Variants in PTPRG observed in about 807,000 individuals in gnomAD.
The protein encoded by PTPRG is receptor-type tyrosine-protein phosphatase gamma.
A neutral mutation model predicts 165.3 loss-of-function variants in PTPRG; 102 were observed. The observed-to-expected ratio is 0.62, with a 90% CI of 0.53 to 0.73. PTPRG has a LOEUF of 0.73. Among genes scored for constraint, PTPRG ranks in the 30% least tolerant of loss-of-function variants. The probability of loss-of-function intolerance (pLI) is 0.00; values close to 1 mark genes in which losing one functional copy is unlikely to be tolerated. For synonymous variants in PTPRG, 675 were observed against 669.5 expected (o/e 1.01, Z -0.13); for missense variants, 1,866 against 1,861.4 (o/e 1.00, Z -0.05).
At chr3:62,091,303 T>C (rs1387262588) in intron 5 of PTPRG, among the ~76,000 whole-genome samples, 1 of 152,222 alleles carries the variant, frequency 6.6e-6, no homozygotes, top group African/African-American at 2.4e-5. Flanking sequence ...ACTCAGTAAT[T>C]CAGGAGGAGG....
chr3:61,622,257 G>C (rs1701480392), intron 1 of PTPRG, among the ~76,000 whole-genome samples: 1 of 151,982 alleles, frequency 6.6e-6, no homozygotes, highest in Admixed American at 6.6e-5. Flanking sequence ...ACATTTTTGT[G>C]TTTAAGTTCT....
chr3:61,865,887 G>A (rs1034973254), intron 2 of PTPRG, among the ~76,000 whole-genome samples: 2 of 152,194 alleles, frequency 1.3e-5, no homozygotes, highest in Non-Finnish European at 2.9e-5. Context: ...AGATTCAGCA[G>A]TTGCTCAAAA....
chr3:61,843,316 G>T (rs892291537), intron 2 of PTPRG, among the ~76,000 whole-genome samples: 13 of 152,144 alleles, frequency 8.5e-5, no homozygotes, highest in Non-Finnish European at 1.5e-4. Context: ...TTAAAACAGT[G>T]TGGTACTGCC....
At chr3:61,627,868 A>G (rs1701655388) in intron 1 of PTPRG, among the ~76,000 whole-genome samples, 1 of 152,216 alleles carries the variant, frequency 6.6e-6, no homozygotes, top group Non-Finnish European at 1.5e-5. Flanking sequence ...AGGTTTGTTA[A>G]GGTCAAATGA....
At chr3:62,058,775 C>A (rs1700713319) in intron 4 of PTPRG, among the ~76,000 whole-genome samples, 1 of 152,156 alleles carries the variant, frequency 6.6e-6, no homozygotes, top group African/African-American at 2.4e-5. Flanking sequence ...CTGACCAAGG[C>A]AGTTGTTGAG....
intron 8 of PTPRG, among the ~76,000 whole-genome samples, chr3:62,177,141 G>C (rs962460586): frequency 6.6e-6 from 1 of 151,866 alleles, no homozygotes; most frequent in Admixed American, 6.6e-5. Context: ...AACATTAGCT[G>C]GGCTTGGTAG....
intron 2 of PTPRG, chr3:61,770,042 G>A (rs1295480043): frequency 6.6e-6 from 1 of 152,148 alleles, no homozygotes; most frequent in Non-Finnish European, 1.5e-5. Flanking sequence ...AGCTTATTTA[G>A]CCAATTCCAG....
intron 2 of PTPRG, among the ~76,000 whole-genome samples, chr3:61,926,374 CCT>C (rs2039210843): frequency 1.3e-5 from 2 of 151,766 alleles, no homozygotes; most frequent in South Asian, 4.2e-4. Context: ...GTGTGTAGCA[CCT>C]CCCCCTCCTC....
chr3:61,814,587 CTG>C (rs996363913), intron 2 of PTPRG, among the ~76,000 whole-genome samples: 2 of 151,900 alleles, frequency 1.3e-5, no homozygotes, highest in African/African-American at 2.4e-5. Flanking sequence ...CCTCTGGTAA[CTG>C]TGAGTTACAT....
At chr3:61,822,962 A>T (rs1442899716) in intron 2 of PTPRG, among the ~76,000 whole-genome samples, 1 of 152,192 alleles carries the variant, frequency 6.6e-6, no homozygotes, top group African/African-American at 2.4e-5. Flanking sequence ...TCTGGGAAAG[A>T]GAGGAACAAG....
At chr3:61,647,110 T>A (rs939222007) in intron 1 of PTPRG, among the ~76,000 whole-genome samples, 1 of 152,196 alleles carries the variant, frequency 6.6e-6, no homozygotes, top group Non-Finnish European at 1.5e-5. Context: ...TTTTTATTTC[T>A]CTGAGATAAA....
intron 2 of PTPRG, among the ~76,000 whole-genome samples, chr3:61,983,427 A>G (rs1311441586): frequency 6.6e-6 from 1 of 152,180 alleles, no homozygotes; most frequent in Non-Finnish European, 1.5e-5. Context: ...TATTTGTAAT[A>G]TAAGTTTATT....
Position 61,901,531 on chromosome 3 carries a change from C to A in PTPRG, c.191-88094C>A, listed in dbSNP as rs2038498468. Among the ~76,000 whole-genome samples, 6 of 152,164 alleles carry A rather than the reference C, an allele frequency of 3.9e-5. No homozygotes were observed. The South Asian group carries it at 1.2e-3, about 32-fold the overall frequency. ...TTCAGTTCCCTTGGAAACTATAAATCCAAAGGTGAATTTGCACGCTATGTG... is the reference window on the plus strand; with the variant it reads ...TTCAGTTCCCTTGGAAACTATAAATACAAAGGTGAATTTGCACGCTATGTG... On this transcript the variant is annotated intron_variant, in intron 2 of 29. Transcript: ENST00000474889.
intron 3 of PTPRG, among the ~76,000 whole-genome samples, chr3:61,995,076 C>CTTT (rs1487681504): frequency 8.8e-5 from 10 of 113,596 alleles, no homozygotes; most frequent in African/African-American, 3.3e-4. Context: ...TTTTTCTTTT[C>CTTT]TTTCTTTCTT....
At chr3:61,960,805 A>ACCACTGT (rs2040134590) in intron 2 of PTPRG, among the ~76,000 whole-genome samples, 1 of 152,092 alleles carries the variant, frequency 6.6e-6, no homozygotes, top group Admixed American at 6.6e-5. Context: ...CTGTGTTCTG[A>ACCACTGT]CCACTGTCCC....
intron 2 of PTPRG, among the ~76,000 whole-genome samples, chr3:61,764,406 C>T (rs764018748): frequency 6.6e-6 from 1 of 152,180 alleles, no homozygotes; most frequent in East Asian, 1.9e-4. Flanking sequence ...GGGCTAACTA[C>T]AACAGAGAAC....
chr3:61,694,005 C>A (rs1250152204), intron 1 of PTPRG, among the ~76,000 whole-genome samples: 1 of 130,182 alleles, frequency 7.7e-6, no homozygotes, highest in African/African-American at 3.0e-5. Flanking sequence ...GAGACTCCAT[C>A]TCCAAAAAAA....
chr3:61,949,619 C>T (rs906291426), intron 2 of PTPRG, among the ~76,000 whole-genome samples: 9 of 152,052 alleles, frequency 5.9e-5, no homozygotes, highest in Non-Finnish European at 1.2e-4. Context: ...GTTAAGCAAC[C>T]AAGTTTCCAT....
intron 4 of PTPRG, among the ~76,000 whole-genome samples, chr3:62,075,338 C>G (rs553190519): frequency 6.6e-6 from 1 of 152,252 alleles, no homozygotes; most frequent in Non-Finnish European, 1.5e-5. Flanking sequence ...TCTGAATACA[C>G]CTGTGTTAAG....
Sources: gnomAD v4.1 joint callset for allele counts (sites outside exome capture counted in the v4.1 genomes callset) on GRCh38, gnomAD v4.1.1 for gene constraint, MANE v1.5 for transcripts, NCBI Gene and HGNC (gene_info 2026-07-23, HGNC 2026-07-21) for gene names.